PAFAH1B1: variants seen among roughly 807,000 people sequenced by gnomAD.
PAFAH1B1 encodes the protein platelet activating factor acetylhydrolase 1b regulatory subunit 1.
In PAFAH1B1, 2 loss-of-function variants were observed where a neutral mutation model predicts 57.5. The ratio of observed to expected loss-of-function variants is 0.03; its 90% confidence interval spans 0.01 to 0.11. The LOEUF (loss-of-function observed/expected upper bound fraction) is 0.11, where lower values mean the gene tolerates loss of function less well. PAFAH1B1 is among the 10% of genes least tolerant of loss of function. PAFAH1B1 has a pLI of 1.00. For synonymous variants in PAFAH1B1, 152 were observed against 169.6 expected, an observed-to-expected ratio of 0.90 and a Z score of 0.81; for missense variants, 257 against 512.0, an observed-to-expected ratio of 0.50 and a Z score of 4.81.
chr17:2,601,812 A>G (rs530485650), intron 1 of PAFAH1B1, among the ~76,000 whole-genome samples: 9 of 152,162 alleles, frequency 5.9e-5, no homozygotes, highest in Admixed American at 2.6e-4. Flanking sequence ...CTCCTAGCCT[A>G]AGCAAACTGC....
At chr17:2,595,412 G>A (rs2068073993) in intron 1 of PAFAH1B1, among the ~76,000 whole-genome samples, 1 of 131,258 alleles carries the variant, frequency 7.6e-6, no homozygotes, top group African/African-American at 3.0e-5. Flanking sequence ...TTTGCCACAG[G>A]AGTGTTTGCT....
intron 1 of PAFAH1B1, among the ~76,000 whole-genome samples, 191 bp downstream of exon 1, chr17:2,594,197 C>A (rs908402337): frequency 2.6e-5 from 4 of 152,100 alleles, no homozygotes; most frequent in African/African-American, 9.7e-5. Context: ...CCGCGACGGC[C>A]GTTGAGTGAG....
At chr17:2,645,767 G>A (rs557180796) in intron 2 of PAFAH1B1, among the ~76,000 whole-genome samples, 2 of 151,516 alleles carry the variant, frequency 1.3e-5, no homozygotes, top group Admixed American at 1.3e-4. Context: ...ACCACGCCTG[G>A]CCACTTTTTT....
intron 1 of PAFAH1B1, among the ~76,000 whole-genome samples, chr17:2,602,629 C>T (rs377710290): frequency 1.3e-5 from 2 of 152,124 alleles, no homozygotes; most frequent in South Asian, 4.1e-4. Context: ...CAGTCTTGTC[C>T]GGTTAACGTC....
intron 1 of PAFAH1B1, chr17:2,635,544 C>G (rs1170606088): frequency 6.6e-6 from 1 of 151,718 alleles, no homozygotes; most frequent in Non-Finnish European, 1.5e-5. Context: ...ATTTTTTTTA[C>G]TTGTAGAGAC....
At chr17:2,619,210 C>T (rs2068387529) in intron 1 of PAFAH1B1, among the ~76,000 whole-genome samples, 1 of 151,940 alleles carries the variant, frequency 6.6e-6, no homozygotes, top group South Asian at 2.1e-4. Context: ...CGTGTAGCGG[C>T]GTAATCACCG....
intron 1 of PAFAH1B1, among the ~76,000 whole-genome samples, chr17:2,596,220 A>G: frequency 6.6e-6 from 1 of 152,180 alleles, no homozygotes; most frequent in East Asian, 1.9e-4. Context: ...ACACACATAT[A>G]TCTACACTCT....
chr17:2,600,345 G>A (rs998998292), intron 1 of PAFAH1B1, among the ~76,000 whole-genome samples: 5 of 151,760 alleles, frequency 3.3e-5, no homozygotes, highest in Non-Finnish European at 7.4e-5. Flanking sequence ...AGGCCAAGGC[G>A]GGCAGAAGGT....
At chr17:2,657,646 ACTTACTATTTC>A (rs1219393037) in intron 2 of PAFAH1B1, among the ~76,000 whole-genome samples, 1 of 152,200 alleles carries the variant, frequency 6.6e-6, no homozygotes, top group Non-Finnish European at 1.5e-5. Flanking sequence ...CCTAGGTAAT[ACTTACTATTTC>A]CTTTAAGTCC....
chr17:2,666,963 C>T, intron 4 of PAFAH1B1, 29 bp from the exon 5 acceptor site: 1 of 1,512,254 alleles, frequency 6.6e-7, no homozygotes, highest in Non-Finnish European at 9.2e-7. Flanking sequence ...TGAAATCTAT[C>T]TGTACGTAAC....
At chr17:2,609,142 T>C (rs1597513348) in intron 1 of PAFAH1B1, among the ~76,000 whole-genome samples, 2 of 152,348 alleles carry the variant, frequency 1.3e-5, no homozygotes, top group Admixed American at 1.3e-4. Flanking sequence ...TGACAGCAGT[T>C]AACCTAAGCT....
chr17:2,652,151 C>T (rs879270809), intron 2 of PAFAH1B1, among the ~76,000 whole-genome samples: 41 of 38,644 alleles, frequency 1.1e-3, no homozygotes, highest in Admixed American at 5.9e-3. Flanking sequence ...GTGGCTCACG[C>T]CTGTAATCCC....
intron 5 of PAFAH1B1, among the ~76,000 whole-genome samples, chr17:2,668,479 G>T (rs1472927560): frequency 6.6e-6 from 1 of 152,054 alleles, no homozygotes; most frequent in Non-Finnish European, 1.5e-5. Flanking sequence ...TTGAGCTCAG[G>T]AGTTAGAGAG....
chr17:2,601,566 C>T lies in PAFAH1B1; in HGVS notation c.-191+7560C>T, dbSNP rs150233683. On this transcript the variant is annotated intron_variant, in intron 1 of 10. Transcript: ENST00000397195. ...AAGCAATTCTCCTGCCTCAGCCTCCCGAGTAGCTGAGATTACAGGTGCCTG... is the reference window on the plus strand; with the variant it reads ...AAGCAATTCTCCTGCCTCAGCCTCCTGAGTAGCTGAGATTACAGGTGCCTG... 6.3e-3 allele frequency among the ~76,000 whole-genome samples: 965 copies of T among 152,030 alleles called. 12 individuals are homozygous for T. The highest frequency in any genetic ancestry group is 0.022 in the African/African-American group (927 of 41,308).
chr17:2,631,011 G>A (rs958893233), intron 1 of PAFAH1B1, among the ~76,000 whole-genome samples: 1 of 152,184 alleles, frequency 6.6e-6, no homozygotes, highest in Admixed American at 6.5e-5. Flanking sequence ...GGAGGCTGAG[G>A]TGGTGGATCA....
intron 6 of PAFAH1B1, 76 bp downstream of exon 6, chr17:2,670,407 T>A: frequency 7.6e-7 from 1 of 1,320,258 alleles, no homozygotes; most frequent in Non-Finnish European, 1.1e-6. Flanking sequence ...TCTAACAGTG[T>A]ACAGTGTTCC....
intron 2 of PAFAH1B1, among the ~76,000 whole-genome samples, chr17:2,645,606 T>TA (rs2068757088): frequency 6.9e-6 from 1 of 144,884 alleles, no homozygotes; most frequent in East Asian, 2.1e-4. Context: ...AATATATATA[T>TA]TTATATATAT....
chr17:2,626,556 C>T (rs1286532314), intron 1 of PAFAH1B1, among the ~76,000 whole-genome samples: 5 of 24,644 alleles, frequency 2.0e-4, no homozygotes, highest in East Asian at 3.1e-3. Context: ...CCTTTCTTCC[C>T]CCCCCCCCCC....
At chr17:2,623,689 G>A (rs1765741563) in intron 1 of PAFAH1B1, among the ~76,000 whole-genome samples, 1 of 149,674 alleles carries the variant, frequency 6.7e-6, no homozygotes, top group Non-Finnish European at 1.5e-5. Flanking sequence ...CTGCAGTGGT[G>A]CGATCTCTGC....
Sources: allele counts gnomAD v4.1 joint callset (sites outside exome capture counted in the v4.1 genomes callset), GRCh38; gene constraint gnomAD v4.1.1; transcripts MANE v1.5; gene names NCBI Gene and HGNC (gene_info 2026-07-23, HGNC 2026-07-21).